PPARGC1A: variants seen among roughly 807,000 people sequenced by gnomAD.
The protein encoded by PPARGC1A is PPARG coactivator 1 alpha.
Under a neutral mutation model 88.7 loss-of-function variants are expected in PPARGC1A, and 25 were observed. The observed-to-expected ratio is 0.28, with a 90% CI of 0.21 to 0.39. PPARGC1A has a LOEUF of 0.39. PPARGC1A is among the 10% of genes least tolerant of loss of function. The pLI is 1.00. For missense variants in PPARGC1A, 880 were observed against 968.7 expected (o/e 0.91, Z 1.22); for synonymous variants, 363 against 355.6 (o/e 1.02, Z -0.24).
the PPARGC1A span, among the ~76,000 whole-genome samples, chr4:24,336,526 C>T: frequency 2.9e-3 from 434 of 152,150 alleles, 18 homozygotes; most frequent in East Asian, 0.064. Context: ...ATGTGTATGC[C>T]TTTTATCCCT....
the PPARGC1A span, among the ~76,000 whole-genome samples, chr4:24,170,291 T>A: frequency 1.3e-5 from 2 of 152,090 alleles, no homozygotes; most frequent in Non-Finnish European, 2.9e-5. Context: ...GTGAAAGAGA[T>A]CCTAAAATTG....
the PPARGC1A span, among the ~76,000 whole-genome samples, chr4:24,273,117 A>T: frequency 0.87 from 133,137 of 152,178 alleles, 58,338 homozygotes; most frequent in East Asian, 1. Context: ...CATCGTTTAA[A>T]GCAAATGTTC....
chr4:23,889,457 A>T (rs1217825846), intron 1 of PPARGC1A: 14 of 809,272 alleles, frequency 1.7e-5, no homozygotes, highest in African/African-American at 1.7e-4. Context: ...GGGGGGAAAA[A>T]TCCGGACTAG....
At chr4:23,939,608 C>G in the PPARGC1A span, among the ~76,000 whole-genome samples, 2 of 152,160 alleles carry the variant, frequency 1.3e-5, no homozygotes, top group Non-Finnish European at 2.9e-5. Flanking sequence ...ATTTCCCTCT[C>G]TAGAGATAGA....
chr4:23,972,708 C>T, the PPARGC1A span, among the ~76,000 whole-genome samples: 1 of 152,182 alleles, frequency 6.6e-6, no homozygotes, highest in Non-Finnish European at 1.5e-5. Context: ...AAAAGTCCTA[C>T]AATGGAATTA....
chr4:24,089,505 CTT>C, the PPARGC1A span, among the ~76,000 whole-genome samples: 1 of 73,810 alleles, frequency 1.4e-5, no homozygotes, highest in African/African-American at 4.8e-5. Context: ...CTTTTCTTTT[CTT>C]TTCTTTCTTT....
At chr4:24,366,873 T>C in the PPARGC1A span, among the ~76,000 whole-genome samples, 1 of 152,184 alleles carries the variant, frequency 6.6e-6, no homozygotes, top group African/African-American at 2.4e-5. Flanking sequence ...TTTCTGCAAC[T>C]TCCAAATCTG....
the PPARGC1A span, among the ~76,000 whole-genome samples, chr4:24,433,477 C>T: frequency 6.6e-6 from 1 of 152,174 alleles, no homozygotes; most frequent in African/African-American, 2.4e-5. Flanking sequence ...AAATCCCCAT[C>T]TCTTTTAACC....
chr4:24,263,331 G>A, the PPARGC1A span, among the ~76,000 whole-genome samples: 3 of 152,272 alleles, frequency 2.0e-5, no homozygotes, highest in Admixed American at 6.5e-5. Context: ...ATGGACAGTT[G>A]TCATATTTCA....
At chr4:24,094,557 T>G in the PPARGC1A span, among the ~76,000 whole-genome samples, 1 of 152,340 alleles carries the variant, frequency 6.6e-6, no homozygotes, top group East Asian at 1.9e-4. Context: ...CATTCAACAA[T>G]GCAGTGTGCC....
At chr4:24,261,342 C>T in the PPARGC1A span, among the ~76,000 whole-genome samples, 2 of 152,090 alleles carry the variant, frequency 1.3e-5, no homozygotes, top group Admixed American at 1.3e-4. Flanking sequence ...TCTTCAGAGC[C>T]TCTGACCTCT....
At chr4:23,844,090 CA>C (rs1469555887) in intron 2 of PPARGC1A, among the ~76,000 whole-genome samples, 1 of 150,620 alleles carries the variant, frequency 6.6e-6, no homozygotes, top group Non-Finnish European at 1.5e-5. Context: ...TAGGAACTTG[CA>C]TTTTAGTTTG....
At chr4:24,083,743 C>G in the PPARGC1A span, among the ~76,000 whole-genome samples, 1 of 152,196 alleles carries the variant, frequency 6.6e-6, no homozygotes, top group Non-Finnish European at 1.5e-5. Context: ...ATCCCACATG[C>G]TTCTTCTGCT....
chr4:23,861,964 T>C (rs1165282004), intron 2 of PPARGC1A, among the ~76,000 whole-genome samples: 1 of 152,224 alleles, frequency 6.6e-6, no homozygotes, highest in African/African-American at 2.4e-5. Context: ...TTATCAATAC[T>C]TGGTAATTGC....
At chr4:24,139,682 G>T in the PPARGC1A span, among the ~76,000 whole-genome samples, 1 of 152,208 alleles carries the variant, frequency 6.6e-6, no homozygotes, top group South Asian at 2.1e-4. Context: ...TCTTGACTGT[G>T]CATGTTAGCA....
the PPARGC1A span, among the ~76,000 whole-genome samples, chr4:24,062,673 C>G: frequency 6.6e-6 from 1 of 152,162 alleles, no homozygotes; most frequent in Non-Finnish European, 1.5e-5. Flanking sequence ...TTACAAGTGG[C>G]TAGAAATGAG....
At chr4:24,181,160 T>C in the PPARGC1A span, among the ~76,000 whole-genome samples, 1 of 152,236 alleles carries the variant, frequency 6.6e-6, no homozygotes, top group Non-Finnish European at 1.5e-5. Flanking sequence ...GAATAAGCTG[T>C]TACTTAGAGG....
chr4:23,859,166 A>G (rs1050563588), intron 2 of PPARGC1A, among the ~76,000 whole-genome samples: 3 of 152,206 alleles, frequency 2.0e-5, no homozygotes, highest in African/African-American at 7.2e-5. Flanking sequence ...AGAACACTCA[A>G]GCATCATTTC....
intron 2 of PPARGC1A, chr4:23,883,242 A>G (rs939701011): frequency 2.0e-5 from 3 of 152,194 alleles, no homozygotes; most frequent in Non-Finnish European, 2.9e-5. Flanking sequence ...TCCAAACTCT[A>G]CTACCTTAAG....
Sources: allele counts gnomAD v4.1 joint callset (sites outside exome capture counted in the v4.1 genomes callset), GRCh38; gene constraint gnomAD v4.1.1; transcripts MANE v1.5; gene names NCBI Gene and HGNC (gene_info 2026-07-23, HGNC 2026-07-21).